The following MRTFA variants were observed in gnomAD, a reference collection of about 807,000 sequenced individuals.
The protein encoded by MRTFA is myocardin-related transcription factor A.
MRTFA carries 20 observed loss-of-function variants against 83.5 expected under a neutral mutation model. The ratio of observed to expected loss-of-function variants is 0.24; its 90% CI spans 0.17 to 0.35. MRTFA has a LOEUF of 0.35. Among genes scored for constraint, MRTFA ranks in the 10% least tolerant of loss-of-function variants. The pLI is 1.00. For missense variants in MRTFA, 1,200 were observed against 1,224.7 expected (o/e 0.98, Z 0.30); for synonymous variants, 659 against 541.2 (o/e 1.22, Z -3.02).
intron 3 of MRTFA, among the ~76,000 whole-genome samples, chr22:40,546,894 G>A (rs1432995726): frequency 6.6e-6 from 1 of 152,282 alleles, no homozygotes; most frequent in African/African-American, 2.4e-5. Flanking sequence ...GGTGGATCAC[G>A]CCTGTAATCC....
At chr22:40,472,014 C>G (rs2053924610) in intron 3 of MRTFA, among the ~76,000 whole-genome samples, 1 of 152,186 alleles carries the variant, frequency 6.6e-6, no homozygotes, top group African/African-American at 2.4e-5. Flanking sequence ...CAAAACAAAA[C>G]TACAGGTGAA....
chr22:40,456,634 C>G (rs1569275251), intron 4 of MRTFA, among the ~76,000 whole-genome samples: 1 of 152,212 alleles, frequency 6.6e-6, no homozygotes, highest in Non-Finnish European at 1.5e-5. Flanking sequence ...TTGCAGTGAG[C>G]TGAGATTGCG....
chr22:40,411,856 G>C lies in MRTFA; in HGVS notation c.2630C>G (p.Pro877Arg), dbSNP rs766463651. The C allele has an allele frequency of 1.0e-5, 15 of 1,491,954 alleles. No homozygotes were observed. The highest frequency in any genetic ancestry group is 1.3e-5 in the Non-Finnish European group (14 of 1,119,470). 92.4% of individuals were successfully genotyped at this position (1,491,954 alleles called of 1,614,324 possible). Reference sequence around the variant, plus strand: ...GGACCCACAGACTGTCTTCGGGGATGGCTTCTCCTTCCCTGGCAGGGATGG... The same window carrying C: ...GGACCCACAGACTGTCTTCGGGGATCGCTTCTCCTTCCCTGGCAGGGATGG... Residue 877 changes from proline to arginine, a missense_variant, in exon 15 of 15, where the codon CCA (proline) becomes CGA (arginine). Pro to Arg is a moderately radical substitution (Grantham distance 103). Coordinates refer to ENST00000355630, the MANE Select transcript of MRTFA (RefSeq NM_020831.6).
chr22:40,538,740 TA>T (rs2055233281), intron 3 of MRTFA, among the ~76,000 whole-genome samples: 1 of 152,142 alleles, frequency 6.6e-6, no homozygotes, highest in African/African-American at 2.4e-5. Flanking sequence ...TCAGTTCCAT[TA>T]TTTTTTGTGC....
chr22:40,630,087 C>T (rs77592387), intron 1 of MRTFA, among the ~76,000 whole-genome samples: 2 of 151,658 alleles, frequency 1.3e-5, no homozygotes, highest in Admixed American at 6.6e-5. Context: ...CCAAGGCAGG[C>T]GGATCACCTG....
chr22:40,472,074 T>C (rs1207968844), intron 3 of MRTFA, among the ~76,000 whole-genome samples: 1 of 152,174 alleles, frequency 6.6e-6, no homozygotes, highest in Non-Finnish European at 1.5e-5. Flanking sequence ...TACTAGGAAA[T>C]GAAGCCAGGA....
intron 4 of MRTFA, among the ~76,000 whole-genome samples, chr22:40,454,151 G>A (rs963941761): frequency 6.6e-5 from 10 of 152,178 alleles, no homozygotes; most frequent in Non-Finnish European, 1.5e-4. Context: ...GTGGGGGTGT[G>A]AGGGAGGCAG....
intron 3 of MRTFA, chr22:40,523,744 G>A (rs1360616187): frequency 4.6e-5 from 7 of 152,182 alleles, no homozygotes; most frequent in Non-Finnish European, 8.8e-5. Context: ...CCAGACCTTG[G>A]AACATACTTT....
intron 3 of MRTFA, among the ~76,000 whole-genome samples, chr22:40,527,554 G>C (rs1288570005): frequency 6.6e-6 from 1 of 151,866 alleles, no homozygotes; most frequent in Non-Finnish European, 1.5e-5. Context: ...TTAGGAGATC[G>C]AGACTATCCT....
At position 40,419,072 on chromosome 22, in the gene MRTFA, T is replaced by A; in HGVS notation, c.1666A>T (p.Thr556Ser). ...CTGAGCAGTGAGCGCTCCGAGGGGGTGGGAGACACGGGGGGCGTGGAGCCC... is the reference window on the plus strand; with the variant it reads ...CTGAGCAGTGAGCGCTCCGAGGGGGAGGGAGACACGGGGGGCGTGGAGCCC... Residue 556 changes from threonine (T) to serine (S), a missense_variant, in exon 12 of 15, where the codon ACC becomes TCC. By Grantham distance (58) the Thr-to-Ser change is moderately conservative. Around this residue, in one of 2 missense-constraint regions of MRTFA, gnomAD observed 1,107 missense variants for 1,041.8 expected, o/e 1.06. Transcript: ENST00000355630. 1.2e-6 allele frequency: 2 copies of A among 1,607,502 alleles called. No homozygotes were observed. The highest frequency in any genetic ancestry group is 1.7e-6 in the Non-Finnish European group (2 of 1,177,738).
intron 2 of MRTFA, among the ~76,000 whole-genome samples, chr22:40,564,924 T>C (rs1214288630): frequency 3.3e-5 from 5 of 152,138 alleles, no homozygotes; most frequent in African/African-American, 1.2e-4. Context: ...GTGCTAGGAT[T>C]ACAGGCATGA....
At chr22:40,585,199 T>C (rs1265866017) in intron 2 of MRTFA, among the ~76,000 whole-genome samples, 2 of 152,236 alleles carry the variant, frequency 1.3e-5, no homozygotes, top group Non-Finnish European at 2.9e-5. Context: ...GAAGGCTCCA[T>C]GGTGTAACTT....
intron 1 of MRTFA, among the ~76,000 whole-genome samples, chr22:40,616,147 G>T (rs1409505219): frequency 2.0e-5 from 3 of 152,096 alleles, no homozygotes; most frequent in Admixed American, 6.5e-5. Flanking sequence ...TTTTTGAAAA[G>T]AAATCAGAAG....
chr22:40,630,423 A>G (rs1053994131), intron 1 of MRTFA, among the ~76,000 whole-genome samples: 1 of 152,184 alleles, frequency 6.6e-6, no homozygotes, highest in East Asian at 1.9e-4. Flanking sequence ...ACAAACAAAA[A>G]AACACCTGGG....
chr22:40,557,922 C>T (rs1020384510), intron 2 of MRTFA, among the ~76,000 whole-genome samples: 2 of 152,058 alleles, frequency 1.3e-5, no homozygotes, highest in Non-Finnish European at 2.9e-5. Flanking sequence ...TATAGGCATG[C>T]GCCACCAGGC....
chr22:40,575,456 T>C (rs1316443963), intron 2 of MRTFA, among the ~76,000 whole-genome samples: 1 of 152,206 alleles, frequency 6.6e-6, no homozygotes, highest in Admixed American at 6.5e-5. Flanking sequence ...ATTAAAAAAA[T>C]CTTTTATAAA....
At chr22:40,574,529 G>A (rs1186447231) in intron 2 of MRTFA, among the ~76,000 whole-genome samples, 2 of 151,776 alleles carry the variant, frequency 1.3e-5, no homozygotes, top group African/African-American at 2.4e-5. Context: ...CTGCCTCCTG[G>A]GTTCAAGCTA....
chr22:40,413,163 AAG>A (rs2052598088), intron 14 of MRTFA, among the ~76,000 whole-genome samples: 5 of 143,644 alleles, frequency 3.5e-5, no homozygotes, highest in African/African-American at 1.3e-4. Context: ...AAAAAAAAAA[AAG>A]GTTATGATGG....
intron 3 of MRTFA, among the ~76,000 whole-genome samples, chr22:40,508,252 G>C (rs1286678719): frequency 2.0e-5 from 3 of 152,048 alleles, no homozygotes; most frequent in African/African-American, 7.2e-5. Context: ...GCTCATGCCT[G>C]TAATTCCAGC....
Sources: allele counts gnomAD v4.1 joint callset (sites outside exome capture counted in the v4.1 genomes callset), GRCh38; gene constraint gnomAD v4.1.1; regional missense constraint gnomAD v4.1.1; transcripts MANE v1.5; gene names NCBI Gene and HGNC (gene_info 2026-07-23, HGNC 2026-07-21).